Variants in USP32 observed in about 807,000 individuals in gnomAD.
The protein encoded by USP32 is ubiquitin specific peptidase 32, also known as ubiquitin carboxyl-terminal hydrolase 32.
In USP32, 59 loss-of-function variants were observed where a neutral mutation model predicts 204.8. That is an observed-to-expected ratio of 0.29 (90% CI 0.23 to 0.36). The LOEUF (loss-of-function observed/expected upper bound fraction) is 0.36, where lower values mean the gene tolerates loss of function less well. USP32 is among the 10% of genes least tolerant of loss of function. The pLI is 1.00. For missense variants in USP32, 1,160 were observed against 1,946.4 expected (o/e 0.60, Z 7.60); for synonymous variants, 517 against 678.4 (o/e 0.76, Z 3.70).
At chr17:60,418,238 G>A (rs565033928) in intron 1 of USP32, among the ~76,000 whole-genome samples, 33 of 152,080 alleles carry the variant, frequency 2.2e-4, no homozygotes, top group African/African-American at 7.5e-4. Context: ...GATTACAGGC[G>A]TGAGACCCCT....
chr17:60,219,499 GA>G (rs1338183328), intron 16 of USP32, 170 bp downstream of exon 16: 1 of 851,596 alleles, frequency 1.2e-6, no homozygotes, highest in Non-Finnish European at 1.7e-6. Context: ...GAGTCTGTAG[GA>G]AAGCTGATGG....
intron 2 of USP32, among the ~76,000 whole-genome samples, chr17:60,343,184 C>T (rs943445848): frequency 2.0e-5 from 3 of 152,148 alleles, no homozygotes; most frequent in Admixed American, 6.5e-5. Context: ...GAGACTTGGA[C>T]TCCCACACAA....
At chr17:60,214,878 G>A in intron 16 of USP32, 104 bp from the exon 17 acceptor site, 2 of 1,513,334 alleles carry the variant, frequency 1.3e-6, no homozygotes, top group Non-Finnish European at 1.8e-6. Flanking sequence ...AATGAGAAAT[G>A]AGAATTACAG....
chr17:60,244,191 A>G (rs955063596), intron 11 of USP32, among the ~76,000 whole-genome samples: 4 of 150,968 alleles, frequency 2.6e-5, no homozygotes, highest in African/African-American at 9.7e-5. Flanking sequence ...GCCCACCACC[A>G]CGCCCAGCTA....
chr17:60,352,981 A>T (rs1013043103), intron 1 of USP32, among the ~76,000 whole-genome samples: 3 of 152,254 alleles, frequency 2.0e-5, no homozygotes, highest in Admixed American at 2.0e-4. Flanking sequence ...GCTACTGATG[A>T]AGATTAGTCT....
intron 2 of USP32, among the ~76,000 whole-genome samples, chr17:60,342,521 C>T (rs1315136847): frequency 6.6e-6 from 1 of 152,210 alleles, no homozygotes; most frequent in Non-Finnish European, 1.5e-5. Flanking sequence ...TTCAGCTATG[C>T]CCTGCCCACA....
In USP32 at chr17:60,301,568, G is replaced by A. The variant is rs377056105; in HGVS notation, c.292+31C>T. 184 of 1,376,210 alleles carry A rather than the reference G, an allele frequency of 1.3e-4. No individual in the cohort carries two copies. The Middle Eastern group carries it at 1.5e-3, about 11-fold the overall frequency. The allele number at this position is 1,376,210 out of a possible 1,614,324, so 85.2% of individuals were successfully genotyped here. A position where few individuals can be genotyped will look rare whatever the true frequency, so the allele number is the denominator to read the frequency against. On this transcript the variant is annotated intron_variant, in intron 3 of 33. Coordinates refer to ENST00000300896, the MANE Select transcript of USP32 (RefSeq NM_032582.4). ...GAGATAAATTATTCTGTACATAGAC[G>A]AATTATTTTTGAGATAATAAAAGTA... is the stretch of plus-strand genomic sequence containing the variant.
chr17:60,307,604 T>C (rs1426165774), intron 2 of USP32, among the ~76,000 whole-genome samples: 1 of 152,068 alleles, frequency 6.6e-6, no homozygotes, highest in East Asian at 1.9e-4. Context: ...GACTTCAAAC[T>C]TACTAAAAAC....
chr17:60,419,810 T>TAA (rs36086072), intron 1 of USP32, among the ~76,000 whole-genome samples: 8 of 133,028 alleles, frequency 6.0e-5, no homozygotes, highest in African/African-American at 2.4e-4. Flanking sequence ...AACTCAAGGT[T>TAA]AAAAAAAATT....
intron 27 of USP32, among the ~76,000 whole-genome samples, chr17:60,195,623 C>T (rs1314498849): frequency 1.3e-5 from 2 of 152,216 alleles, no homozygotes; most frequent in African/African-American, 4.8e-5. Context: ...CAGGCATGAG[C>T]CACTGCACCC....
chr17:60,252,481 A>C, intron 10 of USP32, 39 bp from the exon 11 acceptor site: 1 of 1,500,376 alleles, frequency 6.7e-7, no homozygotes, highest in Non-Finnish European at 9.2e-7. Flanking sequence ...TATTAACTGC[A>C]TAATATTTCA....
At chr17:60,349,614 T>TATATATATATATAC (rs2088887824) in intron 1 of USP32, among the ~76,000 whole-genome samples, 1 of 69,910 alleles carries the variant, frequency 1.4e-5, no homozygotes, top group Non-Finnish European at 2.3e-5. Context: ...TATATATATA[T>TATATATATATATAC]ATATATATAT....
At chr17:60,402,246 CTTTTTT>C (rs761342227) in intron 1 of USP32, among the ~76,000 whole-genome samples, 1 of 118,450 alleles carries the variant, frequency 8.4e-6, no homozygotes, top group Admixed American at 8.7e-5. Context: ...CCTCATTTAT[CTTTTTT>C]TTTTTTTTTT....
At chr17:60,341,730 G>A (rs1023703050) in intron 2 of USP32, among the ~76,000 whole-genome samples, 3 of 151,928 alleles carry the variant, frequency 2.0e-5, no homozygotes, top group Non-Finnish European at 2.9e-5. Context: ...CGAAGTTCTC[G>A]CGCCATGGTT....
At chr17:60,271,625 G>A in intron 5 of USP32, 144 bp from the exon 6 acceptor site, 1 of 774,954 alleles carries the variant, frequency 1.3e-6, no homozygotes. Flanking sequence ...AAACAAAACT[G>A]AAATTTATTA....
intron 1 of USP32, among the ~76,000 whole-genome samples, chr17:60,361,835 G>C (rs1186319495): frequency 6.6e-6 from 1 of 152,056 alleles, no homozygotes; most frequent in African/African-American, 2.4e-5. Flanking sequence ...ATTCAAAGTA[G>C]AAAACAGTGT....
At chr17:60,304,211 A>G (rs2145899553) in intron 2 of USP32, among the ~76,000 whole-genome samples, 1 of 152,242 alleles carries the variant, frequency 6.6e-6, no homozygotes. Flanking sequence ...CCCAAAAATT[A>G]TAGCTGGATT....
chr17:60,299,750 C>A (rs1347862591), intron 3 of USP32, among the ~76,000 whole-genome samples: 1 of 152,166 alleles, frequency 6.6e-6, no homozygotes, highest in African/African-American at 2.4e-5. Flanking sequence ...GTTGAGGCTG[C>A]TGTAACAAAA....
intron 1 of USP32, among the ~76,000 whole-genome samples, chr17:60,362,263 T>A (rs1199160370): frequency 1.3e-5 from 2 of 152,100 alleles, no homozygotes; most frequent in Non-Finnish European, 2.9e-5. Context: ...AGCATAAAAA[T>A]GTGAAGAAAA....
Sources: allele counts gnomAD v4.1 joint callset (sites outside exome capture counted in the v4.1 genomes callset), GRCh38; gene constraint gnomAD v4.1.1; transcripts MANE v1.5; gene names NCBI Gene and HGNC (gene_info 2026-07-23, HGNC 2026-07-21).